The following ETS2 variants were observed in gnomAD, a reference collection of about 807,000 sequenced individuals.
ETS2 encodes protein C-ets-2.
A neutral mutation model predicts 54.9 loss-of-function variants in ETS2; 19 were observed. The ratio of observed to expected loss-of-function variants is 0.35; its 90% CI spans 0.24 to 0.51. The LOEUF (loss-of-function observed/expected upper bound fraction) is 0.51. Ranked by LOEUF, ETS2 falls within the 20% of genes least tolerant of loss-of-function variation. The pLI is 0.97. For synonymous variants in ETS2, 219 were observed against 229.3 expected, an observed-to-expected ratio of 0.95 and a Z score of 0.41; for missense variants, 417 against 593.0, an observed-to-expected ratio of 0.70 and a Z score of 3.08.
At chr21:38,815,531 A>G (rs1260468596) in intron 5 of ETS2, among the ~76,000 whole-genome samples, 1 of 152,244 alleles carries the variant, frequency 6.6e-6, no homozygotes, top group South Asian at 2.1e-4. Context: ...ATCATATTGT[A>G]CAGAAACTGG....
At chr21:38,805,575 G>T (rs368186095), upstream of ETS2, 14 of 1,277,972 alleles carry the variant, frequency 1.1e-5, no homozygotes, top group South Asian at 1.7e-4. This position sits in a 1 kb window ranked among gnomAD's most constrained non-coding sequence, Gnocchi z 5.2. Context: ...AGGGCCAGCC[G>T]GCGAGGGACC....
Position 38,818,450 on chromosome 21 carries a change from T to C in ETS2, c.615T>C (p.Tyr205=), listed in dbSNP as rs1292162803. The C allele has an allele frequency of 3.7e-6, 6 of 1,614,138 alleles. No homozygotes were observed. The highest frequency in any genetic ancestry group is 3.3e-4 in the Middle Eastern group (2 of 6,050). Residue 205 remains tyrosine, a synonymous_variant, in exon 7 of 10, where the codon TAT becomes TAC. Transcript: ENST00000360938. ...TLGFGTEQAP[Y]GMQTQNYPKG... ...GTTTTGGCACAGAGCAGGCGCCCTA[T>C]GGAATGCAGACACAGAATTACCCCA...
Position 38,821,691 on chromosome 21 carries a change from C to T in ETS2, c.1181C>T (p.Ala394Val). 1 of 1,611,984 alleles carries T rather than the reference C, an allele frequency of 6.2e-7. No homozygotes were observed. Among genetic ancestry groups the T allele is most frequent in the Non-Finnish European group, 8.5e-7 (1 of 1,178,078 alleles). The change falls in exon 9 of 10, where the codon GCC becomes GTC. Residue 394 changes from alanine to valine, a missense_variant. This residue lies in a region of ETS2 where 60 missense variants were observed against 134.1 expected (regional missense o/e 0.45). Transcript: ENST00000360938. The surrounding 1 kb of genome is among the most constrained non-coding windows in gnomAD (Gnocchi z 4.2). ...WTGDGWEFKL[A>V]DPDEVARRWG... ...GGAGACGGATGGGAGTTTAAGCTCGCCGACCCCGATGAGGTATGGCCAGAG... is the reference window on the plus strand; with the variant it reads ...GGAGACGGATGGGAGTTTAAGCTCGTCGACCCCGATGAGGTATGGCCAGAG...
Position 38,806,528 on chromosome 21 carries a change from A to G in ETS2, c.-1+408A>G, listed in dbSNP as rs926331795. 5.2e-5 allele frequency: 51 copies of G among 985,376 alleles called. No individual in the cohort carries two copies. In the African/African-American group the frequency reaches 8.9e-4, roughly 17 times the overall value. The allele number at this position is 985,376 out of a possible 1,614,324, so 61.0% of individuals were successfully genotyped here. A position where few individuals can be genotyped will look rare whatever the true frequency, so the allele number is the denominator to read the frequency against. ...ATTTCGCGAACGGGAGTGGGGGCAC[A>G]GGAGAGCGTGTCCGAGGTGGCCTGG... On this transcript the variant is annotated intron_variant, in intron 1 of 9. Transcript: ENST00000360938. The surrounding 1 kb of genome is among the most constrained non-coding windows in gnomAD (Gnocchi z 4.3).
upstream of ETS2, chr21:38,805,359 C>T (rs1289360915): frequency 1.6e-6 from 2 of 1,288,906 alleles, no homozygotes; most frequent in South Asian, 2.5e-5. The surrounding 1 kb of genome is among the most constrained non-coding windows in gnomAD (Gnocchi z 5.2). Flanking sequence ...GGGGTCGGCT[C>T]AATTTCAGGG....
At chr21:38,819,905 G>A (rs1000736579) in intron 8 of ETS2, 139 bp downstream of exon 8, 83 of 804,628 alleles carry the variant, frequency 1.0e-4, no homozygotes, top group Non-Finnish European at 1.3e-4. Flanking sequence ...TGTTTTATGC[G>A]TGGCTTGCTG....
chr21:38,812,970 G>T (rs890456585), intron 2 of ETS2, 33 bp from the exon 3 acceptor site: 1 of 1,419,364 alleles, frequency 7.0e-7, no homozygotes, highest in Admixed American at 1.7e-5. Flanking sequence ...TTTAAATATT[G>T]TATTTCCATT....
chr21:38,810,357 G>A (rs2060909486), intron 2 of ETS2, among the ~76,000 whole-genome samples: 1 of 152,144 alleles, frequency 6.6e-6, no homozygotes, highest in Admixed American at 6.5e-5. Flanking sequence ...TGTTTTCTGA[G>A]GCTCCTTCCA....
chr21:38,810,207 A>G, intron 2 of ETS2, 101 bp downstream of exon 2: 1 of 664,436 alleles, frequency 1.5e-6, no homozygotes, highest in Non-Finnish European at 2.5e-6. Flanking sequence ...TTGTAGCCCT[A>G]GCTTCTTAAT....
Position 38,823,008 on chromosome 21 carries a change from A to C in ETS2, c.*119A>C. 9.7e-6 allele frequency: 8 copies of C among 826,556 alleles called. No homozygotes were observed. The highest frequency in any genetic ancestry group is 1.4e-5 in the Non-Finnish European group (8 of 565,916). The allele number at this position is 826,556 out of a possible 1,614,324, so 51.2% of individuals were successfully genotyped here. A position where few individuals can be genotyped will look rare whatever the true frequency, so the allele number is the denominator to read the frequency against. On this transcript the variant is annotated 3_prime_UTR_variant, in exon 10 of 10. Transcript: ENST00000360938. ...ATTGAAAATGTCCAGGAAAGTGGCC[A>C]AGAAGCAGTGGCCTTATTGCATCCC...
upstream of ETS2, chr21:38,805,577 C>T: frequency 7.8e-7 from 1 of 1,277,442 alleles, no homozygotes; most frequent in Non-Finnish European, 1.0e-6. The surrounding 1 kb of genome is among the most constrained non-coding windows in gnomAD (Gnocchi z 5.2). Context: ...GGCCAGCCGG[C>T]GAGGGACCCA....
At position 38,823,851 on chromosome 21, in the gene ETS2, A is replaced by G. The variant is rs948160013; in HGVS notation, c.*962A>G. ...CATGCGTTTAAGTCAGTTTATACAC[A>G]AAATGGATTTTATTTTTTAGTTTAA... On this transcript the variant is annotated 3_prime_UTR_variant, in exon 10 of 10. Transcript: ENST00000360938. The G allele has an allele frequency of 1.3e-5, 2 of 152,630 alleles. No homozygotes were observed. Among genetic ancestry groups the G allele is most frequent in the Non-Finnish European group, 2.9e-5 (2 of 68,040 alleles). The allele number at this position is 152,630 out of a possible 1,614,324, so 9.5% of individuals were successfully genotyped here.
At chr21:38,808,968 A>G (rs150924860) in intron 1 of ETS2, among the ~76,000 whole-genome samples, 70 of 152,330 alleles carry the variant, frequency 4.6e-4, no homozygotes, top group African/African-American at 1.6e-3. Flanking sequence ...TTACTCTATT[A>G]TCTAAGTATC....
rs77688599 is a variant in ETS2, at chr21:38,814,515, G to A, written c.304+123G>A. On this transcript the variant is annotated intron_variant, in intron 4 of 9. Transcript: ENST00000360938. The surrounding 1 kb of genome is among the most constrained non-coding windows in gnomAD (Gnocchi z 4.2). ...TTCTGCAAAGAGTAGCATGGATGTC[G>A]TTAACCTGAGCCAGTTTCTGTTTCA... 0.026 allele frequency: 32,141 copies of A among 1,217,990 alleles called. 467 individuals are homozygous for A. Among genetic ancestry groups the A allele is most frequent in the Middle Eastern group, 0.036 (126 of 3,544 alleles). The allele number at this position is 1,217,990 out of a possible 1,614,324, so 75.4% of individuals were successfully genotyped here.
rs1005949919 is a variant in ETS2 at position 38,821,434 on chromosome 21, C to T, written c.1076-152C>T. On this transcript the variant is annotated intron_variant, in intron 8 of 9. Transcript: ENST00000360938. This position sits in a 1 kb window ranked among gnomAD's most constrained non-coding sequence, Gnocchi z 4.2. Reference sequence around the variant, plus strand: ...AAAGCACTTAGTACTGTCACCAACACCTTGAGTGCCACCCTGAGTGTAACA... The same window carrying T: ...AAAGCACTTAGTACTGTCACCAACATCTTGAGTGCCACCCTGAGTGTAACA... The T allele has an allele frequency of 1.2e-5, 8 of 682,422 alleles. No homozygotes were observed. The highest frequency in any genetic ancestry group is 2.2e-5 in the Admixed American group (1 of 45,586). The allele number at this position is 682,422 out of a possible 1,614,324, so 42.3% of individuals were successfully genotyped here.
intron 5 of ETS2, among the ~76,000 whole-genome samples, 198 bp downstream of exon 5, chr21:38,815,179 T>A (rs1442572632): frequency 2.5e-5 from 2 of 79,644 alleles, no homozygotes; most frequent in Non-Finnish European, 6.7e-5. Context: ...TATGTGAGTG[T>A]GTGTGTGTGT....
Position 38,821,709 on chromosome 21 carries a change from G to A in ETS2, c.1194+5G>A. 1 of 1,593,772 alleles carries A rather than the reference G, an allele frequency of 6.3e-7. No individual in the cohort carries two copies. Among genetic ancestry groups the A allele is most frequent in the East Asian group, 2.2e-5 (1 of 44,776 alleles). On this transcript the variant is annotated splice_donor_5th_base_variant and intron_variant, in intron 9 of 9. Coordinates refer to ENST00000360938, the MANE Select transcript of ETS2 (RefSeq NM_005239.6). This position sits in a 1 kb window ranked among gnomAD's most constrained non-coding sequence, Gnocchi z 4.2. ...AAGCTCGCCGACCCCGATGAGGTATGGCCAGAGCCCTGGGAAATCTCTGGG... is the reference window on the plus strand; with the variant it reads ...AAGCTCGCCGACCCCGATGAGGTATAGCCAGAGCCCTGGGAAATCTCTGGG...
upstream of ETS2, chr21:38,805,417 C>T (rs1405591285): frequency 7.8e-6 from 10 of 1,288,596 alleles, no homozygotes; most frequent in Non-Finnish European, 1.0e-5. This position sits in a 1 kb window ranked among gnomAD's most constrained non-coding sequence, Gnocchi z 5.2. Flanking sequence ...AGCACCACTG[C>T]TCCGTCGCTG....
intron 2 of ETS2, among the ~76,000 whole-genome samples, chr21:38,812,408 G>A (rs1175988942): frequency 6.6e-6 from 1 of 152,182 alleles, no homozygotes; most frequent in Non-Finnish European, 1.5e-5. Flanking sequence ...TCAGATTTGT[G>A]TATTTAATAT....
Sources: allele counts gnomAD v4.1 joint callset (sites outside exome capture counted in the v4.1 genomes callset), GRCh38; gene constraint gnomAD v4.1.1; regional missense constraint gnomAD v4.1.1; non-coding constraint Gnocchi (gnomAD v3.1); transcripts MANE v1.5; gene names NCBI Gene and HGNC (gene_info 2026-07-23, HGNC 2026-07-21).